MAF: variants seen among roughly 807,000 people sequenced by gnomAD.
MAF encodes MAF bZIP transcription factor, also known as transcription factor Maf.
In MAF, 10 loss-of-function variants were observed where a neutral mutation model predicts 22.0. That is an observed-to-expected ratio of 0.45 (90% CI 0.28 to 0.77). MAF has a LOEUF of 0.77. Ranked by LOEUF, MAF falls within the 30% of genes least tolerant of loss-of-function variation. The pLI, the probability that MAF is intolerant of heterozygous loss-of-function variation, is 0.12. For missense variants in MAF, 544 were observed against 548.4 expected, an observed-to-expected ratio of 0.99 and a Z score of 0.08; for synonymous variants, 337 against 255.8, an observed-to-expected ratio of 1.32 and a Z score of -3.03.
the MAF span, among the ~76,000 whole-genome samples, chr16:79,402,299 C>T: frequency 1.3e-5 from 2 of 152,154 alleles, no homozygotes; most frequent in Non-Finnish European, 2.9e-5. Flanking sequence ...AAGGCTGTTA[C>T]CCAGGGTTTA....
At chr16:79,314,121 G>A in the MAF span, among the ~76,000 whole-genome samples, 10 of 152,104 alleles carry the variant, frequency 6.6e-5, no homozygotes, top group South Asian at 4.1e-4. Context: ...TGTGATTTCC[G>A]TGTGGCCCTT....
the MAF span, among the ~76,000 whole-genome samples, chr16:79,518,742 T>C: frequency 6.6e-6 from 1 of 152,168 alleles, no homozygotes; most frequent in Admixed American, 6.5e-5. Context: ...CAAGACCTCA[T>C]GGAGAAACCC....
chr16:79,219,496 A>C, the MAF span, among the ~76,000 whole-genome samples: 1 of 143,860 alleles, frequency 7.0e-6, no homozygotes, highest in Non-Finnish European at 1.5e-5. Flanking sequence ...GCCTAAAGTG[A>C]GCGGACATCG....
the MAF span, among the ~76,000 whole-genome samples, chr16:79,375,693 AG>A: frequency 5.3e-5 from 8 of 152,196 alleles, no homozygotes; most frequent in East Asian, 3.9e-4. Flanking sequence ...CAAGTCAAAA[AG>A]GAATTATTAA....
chr16:79,206,716 G>A, the MAF span: 1 of 152,148 alleles, frequency 6.6e-6, no homozygotes, highest in East Asian at 1.9e-4. Context: ...GTGTTCGTTG[G>A]TTAGCACTTA....
the MAF span, among the ~76,000 whole-genome samples, chr16:79,260,497 C>CTATATCTATATCTATATCTATATCTA: frequency 6.0e-5 from 9 of 150,606 alleles, no homozygotes; most frequent in South Asian, 2.1e-4. Flanking sequence ...ATATCTATAT[C>CTATATCTATATCTATATCTATATCTA]TATATCTATA....
chr16:79,411,272 A>G, the MAF span, among the ~76,000 whole-genome samples: 3 of 152,238 alleles, frequency 2.0e-5, no homozygotes, highest in Non-Finnish European at 4.4e-5. Flanking sequence ...ACAGGTGCTC[A>G]GTAAATAACC....
chr16:79,245,657 C>G, the MAF span, among the ~76,000 whole-genome samples: 2 of 152,008 alleles, frequency 1.3e-5, no homozygotes, highest in African/African-American at 2.4e-5. Context: ...GGCAATTCCT[C>G]AAGGACCTAG....
intron 1 of MAF, among the ~76,000 whole-genome samples, chr16:79,586,887 G>T (rs924002541): frequency 6.6e-6 from 1 of 152,178 alleles, no homozygotes; most frequent in Non-Finnish European, 1.5e-5. Context: ...CGATAAACTA[G>T]TAAGTCAATC....
At chr16:79,420,365 G>A in the MAF span, among the ~76,000 whole-genome samples, 123 of 152,292 alleles carry the variant, frequency 8.1e-4, 2 homozygotes, top group East Asian at 5.0e-3. Context: ...ACACAGTCAC[G>A]TTTCTGAACA....
chr16:79,310,467 C>T, the MAF span, among the ~76,000 whole-genome samples: 2 of 152,148 alleles, frequency 1.3e-5, no homozygotes, highest in Admixed American at 6.5e-5. Flanking sequence ...CAACTTGAAA[C>T]GCCTGCTCCC....
chr16:79,311,194 C>A, the MAF span, among the ~76,000 whole-genome samples: 3 of 151,978 alleles, frequency 2.0e-5, no homozygotes, highest in Non-Finnish European at 4.4e-5. Flanking sequence ...CTGCTTTAAG[C>A]GCAGGAGAAA....
chr16:79,425,362 T>TA, the MAF span, among the ~76,000 whole-genome samples: 10 of 151,818 alleles, frequency 6.6e-5, no homozygotes, highest in South Asian at 4.2e-4. Context: ...CCTCTATGGG[T>TA]AAAAAAAAGA....
chr16:79,582,759 T>C (rs1325263281), downstream of MAF, among the ~76,000 whole-genome samples: 1 of 152,248 alleles, frequency 6.6e-6, no homozygotes, highest in African/African-American at 2.4e-5. Context: ...GTAATTAGCT[T>C]AAGACATACT....
chr16:79,458,109 AGTGTGTGTGT>A, the MAF span, among the ~76,000 whole-genome samples: 57 of 136,432 alleles, frequency 4.2e-4, no homozygotes, highest in Admixed American at 6.0e-4. Flanking sequence ...GGTATGTATA[AGTGTGTGTGT>A]GTGTGTGTGT....
At chr16:79,386,613 T>A in the MAF span, among the ~76,000 whole-genome samples, 1 of 152,148 alleles carries the variant, frequency 6.6e-6, no homozygotes, top group Non-Finnish European at 1.5e-5. Context: ...CTCCTGTATA[T>A]AACTATATAC....
the MAF span, among the ~76,000 whole-genome samples, chr16:79,339,105 T>C: frequency 2.0e-5 from 3 of 152,196 alleles, no homozygotes; most frequent in African/African-American, 7.2e-5. Context: ...GGAGTCTCAC[T>C]GTCGCCCAGG....
chr16:79,334,688 C>A, the MAF span, among the ~76,000 whole-genome samples: 1 of 152,232 alleles, frequency 6.6e-6, no homozygotes, highest in South Asian at 2.1e-4. Context: ...CATTGTTGTA[C>A]AGAGCCCATA....
chr16:79,423,197 G>C, the MAF span, among the ~76,000 whole-genome samples: 4 of 152,238 alleles, frequency 2.6e-5, no homozygotes, highest in African/African-American at 9.6e-5. Context: ...TACCGCAAGA[G>C]TTATCAGTTG....
Sources: gnomAD v4.1 joint callset for allele counts (sites outside exome capture counted in the v4.1 genomes callset) on GRCh38, gnomAD v4.1.1 for gene constraint, MANE v1.5 for transcripts, NCBI Gene and HGNC (gene_info 2026-07-23, HGNC 2026-07-21) for gene names.